Variants in TENM2 observed in about 807,000 individuals in gnomAD.
TENM2 encodes teneurin-2.
TENM2 carries 52 observed loss-of-function variants against 245.2 expected under a neutral mutation model. The ratio of observed to expected loss-of-function variants is 0.21; its 90% CI spans 0.17 to 0.27. The LOEUF is 0.27. TENM2 is among the 10% of genes least tolerant of loss of function. The probability of loss-of-function intolerance (pLI) is 1.00; values close to 1 mark genes in which losing one functional copy is unlikely to be tolerated. For missense variants in TENM2, 3,046 were observed against 3,666.8 expected, an observed-to-expected ratio of 0.83 and a Z score of 4.37; for synonymous variants, 1,363 against 1,438.9, an observed-to-expected ratio of 0.95 and a Z score of 1.19.
chr5:167,677,130 G>A (rs1002279039), intron 2 of TENM2, among the ~76,000 whole-genome samples: 5 of 152,038 alleles, frequency 3.3e-5, no homozygotes, highest in African/African-American at 4.8e-5. Context: ...GTCTAACAGC[G>A]AACCCTTGTT....
chr5:167,428,335 G>A (rs1179911794), intron 2 of TENM2, among the ~76,000 whole-genome samples: 1 of 152,094 alleles, frequency 6.6e-6, no homozygotes, highest in African/African-American at 2.4e-5. Context: ...CCAAATTTTA[G>A]TTAGGTAAAT....
rs904396289 is a variant in TENM2 at position 167,981,208 on chromosome 5, G to A, written c.948-11736G>A. Among the ~76,000 whole-genome samples, 9 of 152,112 alleles carry A rather than the reference G, an allele frequency of 5.9e-5. No homozygotes were observed. The South Asian group carries it at 1.0e-3, about 17-fold the overall frequency. On this transcript the variant is annotated intron_variant, in intron 4 of 28. Transcript: ENST00000518659. ...CCACAGCATCACAGTTCAGCTCCCC[G>A]CCATCCCCACCCAGGGCAGTCTGCT...
chr5:167,320,713 A>G (rs1431951105), intron 1 of TENM2, among the ~76,000 whole-genome samples: 1 of 152,178 alleles, frequency 6.6e-6, no homozygotes, highest in East Asian at 1.9e-4. Context: ...TTGATGACAC[A>G]GCAAGAAGGC....
the TENM2 span, among the ~76,000 whole-genome samples, chr5:167,124,827 CTAT>C: frequency 2.0e-5 from 3 of 151,834 alleles, no homozygotes; most frequent in Non-Finnish European, 4.4e-5. Flanking sequence ...AATATAATTT[CTAT>C]TATTATTATT....
chr5:168,027,320 G>T (rs75957437), intron 5 of TENM2, among the ~76,000 whole-genome samples: 1 of 152,296 alleles, frequency 6.6e-6, no homozygotes, highest in East Asian at 1.9e-4. Flanking sequence ...AGGAAATGCA[G>T]CCTCCCCCTT....
At chr5:168,193,538 G>T (rs1254873260) in intron 14 of TENM2, among the ~76,000 whole-genome samples, 1 of 152,202 alleles carries the variant, frequency 6.6e-6, no homozygotes, top group Non-Finnish European at 1.5e-5. Flanking sequence ...CAGCAGCAAG[G>T]AAGAATTTGA....
In TENM2 at chr5:167,703,622, C is replaced by T. The variant is rs188511392; in HGVS notation, c.503-172364C>T. On this transcript the variant is annotated intron_variant, in intron 2 of 28. Coordinates refer to ENST00000518659, the Ensembl canonical transcript of TENM2. ...TACTTGTTAAACAAAGAAGACTCTC[C>T]GTAGGATTACTTTATATCATTTAGA... Among the ~76,000 whole-genome samples, 11 of 151,396 alleles carry T rather than the reference C, an allele frequency of 7.3e-5. No individual in the cohort carries two copies. In the East Asian group the frequency reaches 1.5e-3, roughly 21 times the overall value.
At chr5:168,004,030 T>C (rs572131836) in intron 5 of TENM2, among the ~76,000 whole-genome samples, 7 of 152,324 alleles carry the variant, frequency 4.6e-5, no homozygotes, top group African/African-American at 1.7e-4. Context: ...AAAGACTGAA[T>C]GTGGCTGTTG....
At chr5:167,444,077 T>C (rs1228823726) in intron 2 of TENM2, among the ~76,000 whole-genome samples, 4 of 152,164 alleles carry the variant, frequency 2.6e-5, no homozygotes, top group Admixed American at 2.6e-4. Context: ...ACTATTATTA[T>C]GGTGGTAGAT....
At chr5:167,490,168 A>C (rs757749235) in intron 2 of TENM2, among the ~76,000 whole-genome samples, 1 of 152,184 alleles carries the variant, frequency 6.6e-6, no homozygotes, top group Non-Finnish European at 1.5e-5. Flanking sequence ...CGCAGTTACA[A>C]AAGTACCCTT....
At chr5:167,807,630 A>T (rs866034349) in intron 2 of TENM2, among the ~76,000 whole-genome samples, 743 of 22,628 alleles carry the variant, frequency 0.033, 5 homozygotes, top group Middle Eastern at 0.079. Context: ...TTTTTAAAAA[A>T]AAAAAAAAAG....
In TENM2 at chr5:167,437,622, A is replaced by G. The variant is rs538523354; in HGVS notation, c.502+62149A>G. Among the ~76,000 whole-genome samples, 3 of 152,200 alleles carry G rather than the reference A, an allele frequency of 2.0e-5. No individual in the cohort carries two copies. In the East Asian group the frequency reaches 5.8e-4, roughly 30 times the overall value. ...ATATGGTTTGGCTGTGTCCCCACCC[A>G]AATCTCATATGGAATTGTAACTCCC... is the stretch of plus-strand genomic sequence containing the variant. On this transcript the variant is annotated intron_variant, in intron 2 of 28. Coordinates refer to ENST00000518659, the Ensembl canonical transcript of TENM2.
chr5:167,170,923 T>G, the TENM2 span, among the ~76,000 whole-genome samples: 2 of 147,738 alleles, frequency 1.4e-5, no homozygotes, highest in Non-Finnish European at 2.9e-5. Context: ...AACTCTTTTT[T>G]CATTTGACTT....
intron 5 of TENM2, among the ~76,000 whole-genome samples, chr5:168,009,607 G>A (rs1347476753): frequency 5.9e-5 from 9 of 152,098 alleles, no homozygotes; most frequent in East Asian, 1.9e-4. Context: ...CTAGGAGCCC[G>A]AAGTAAAGCA....
intron 2 of TENM2, among the ~76,000 whole-genome samples, chr5:167,736,584 A>T (rs1334199790): frequency 6.6e-6 from 1 of 152,086 alleles, no homozygotes; most frequent in African/African-American, 2.4e-5. Flanking sequence ...ATGCTGTAAG[A>T]CAACGATGTC....
chr5:167,886,742 A>AACATTT (rs1362135388), intron 3 of TENM2, among the ~76,000 whole-genome samples: 2 of 152,232 alleles, frequency 1.3e-5, no homozygotes, highest in African/African-American at 2.4e-5. Flanking sequence ...ATGAAAAGAA[A>AACATTT]ACATTTACAT....
chr5:167,550,681 T>A (rs945350440), intron 2 of TENM2, among the ~76,000 whole-genome samples: 1 of 136,126 alleles, frequency 7.3e-6, no homozygotes, highest in Non-Finnish European at 1.5e-5. Flanking sequence ...CACAATTACC[T>A]TTTTTTTTGT....
At chr5:168,028,435 C>T (rs1009648578) in intron 5 of TENM2, among the ~76,000 whole-genome samples, 9 of 152,118 alleles carry the variant, frequency 5.9e-5, no homozygotes, top group South Asian at 2.1e-4. Flanking sequence ...TGCTCAGGGG[C>T]GATTCTAGGC....
intron 1 of TENM2, among the ~76,000 whole-genome samples, chr5:167,346,303 C>G (rs1234951112): frequency 1.3e-5 from 2 of 152,110 alleles, no homozygotes; most frequent in Non-Finnish European, 2.9e-5. Flanking sequence ...TAACTGTCAA[C>G]CAGAATTTTT....
Sources: gnomAD v4.1 joint callset for allele counts (sites outside exome capture counted in the v4.1 genomes callset) on GRCh38, gnomAD v4.1.1 for gene constraint, MANE v1.5 for transcripts, NCBI Gene and HGNC (gene_info 2026-07-23, HGNC 2026-07-21) for gene names.